Variants in EXOC6B observed in about 807,000 individuals in gnomAD.
EXOC6B encodes exocyst complex component 6B, also known as SEC15 homolog B.
Under a neutral mutation model 113.5 loss-of-function variants are expected in EXOC6B, and 54 were observed. That is an observed-to-expected ratio of 0.48 (90% CI 0.38 to 0.60). The LOEUF is 0.60. EXOC6B is among the 20% of genes least tolerant of loss of function. The pLI is 0.00. For synonymous variants in EXOC6B, 357 were observed against 339.0 expected, an observed-to-expected ratio of 1.05 and a Z score of -0.58; for missense variants, 797 against 977.5, an observed-to-expected ratio of 0.82 and a Z score of 2.46.
chr2:72,424,645 G>C (rs2105275471), intron 18 of EXOC6B, among the ~76,000 whole-genome samples: 1 of 151,828 alleles, frequency 6.6e-6, no homozygotes, highest in Middle Eastern at 3.4e-3. Flanking sequence ...ATTAAAACTG[G>C]AAAAACTGAG....
intron 7 of EXOC6B, among the ~76,000 whole-genome samples, chr2:72,561,621 C>G (rs1292739391): frequency 1.3e-5 from 2 of 152,018 alleles, no homozygotes; most frequent in Non-Finnish European, 2.9e-5. Flanking sequence ...GAGAATTTCC[C>G]TAGAAATCTG....
intron 20 of EXOC6B, among the ~76,000 whole-genome samples, chr2:72,274,793 G>A (rs534783629): frequency 6.6e-5 from 10 of 152,108 alleles, no homozygotes; most frequent in Non-Finnish European, 1.0e-4. Context: ...ATTCATTCCA[G>A]CCAGCCTGTC....
chr2:72,566,950 G>A (rs1054109743), intron 7 of EXOC6B, among the ~76,000 whole-genome samples: 15 of 151,918 alleles, frequency 9.9e-5, no homozygotes, highest in South Asian at 2.1e-4. Flanking sequence ...TAATAATTAC[G>A]TTGCTTGAGG....
chr2:72,210,016 A>T (rs1333499952), intron 20 of EXOC6B, among the ~76,000 whole-genome samples: 4 of 152,136 alleles, frequency 2.6e-5, no homozygotes, highest in Admixed American at 2.6e-4. Flanking sequence ...CATAATTTTT[A>T]AAAAAGAATT....
At chr2:72,604,390 AAAAAG>A (rs1670621844) in intron 6 of EXOC6B, among the ~76,000 whole-genome samples, 1 of 152,226 alleles carries the variant, frequency 6.6e-6, no homozygotes, top group South Asian at 2.1e-4. Flanking sequence ...TTTGATTCTT[AAAAAG>A]AAAACAAAAA....
At chr2:72,358,974 A>G (rs115080106) in intron 19 of EXOC6B, among the ~76,000 whole-genome samples, 1,971 of 152,286 alleles carry the variant, frequency 0.013, 53 homozygotes, top group African/African-American at 0.045. Flanking sequence ...TATTCACTCA[A>G]AAAATATTTA....
chr2:72,555,715 C>T (rs1703501879), intron 8 of EXOC6B, among the ~76,000 whole-genome samples: 1 of 152,116 alleles, frequency 6.6e-6, no homozygotes, highest in East Asian at 1.9e-4. Context: ...AGCATGATCT[C>T]GGCTCACTAC....
chr2:72,754,605 CTTTTTTTTTTCTTT>C (rs1682281725), intron 1 of EXOC6B, among the ~76,000 whole-genome samples: 1 of 145,888 alleles, frequency 6.9e-6, no homozygotes, highest in East Asian at 2.0e-4. Context: ...TTTTTAATAG[CTTTTTTTTTTCTTT>C]TTTTTTTTTT....
chr2:72,576,643 T>C (rs1704877504), intron 6 of EXOC6B, among the ~76,000 whole-genome samples: 1 of 152,088 alleles, frequency 6.6e-6, no homozygotes, highest in African/African-American at 2.4e-5. Flanking sequence ...AAATGAGTTG[T>C]GGTCAAATCA....
intron 6 of EXOC6B, among the ~76,000 whole-genome samples, chr2:72,714,760 G>A (rs887565419): frequency 1.6e-4 from 24 of 152,142 alleles, no homozygotes; most frequent in Non-Finnish European, 5.9e-5. Context: ...ATCAAACTGA[G>A]AAAGAAGCAT....
intron 19 of EXOC6B, among the ~76,000 whole-genome samples, chr2:72,344,596 T>C (rs1689216232): frequency 6.6e-6 from 1 of 152,182 alleles, no homozygotes; most frequent in Non-Finnish European, 1.5e-5. Context: ...TGCTGTTTTT[T>C]GTTACCGTTT....
At chr2:72,189,692 A>G (rs1374149822) in intron 20 of EXOC6B, among the ~76,000 whole-genome samples, 2 of 151,496 alleles carry the variant, frequency 1.3e-5, no homozygotes, top group Non-Finnish European at 2.9e-5. Context: ...CTATCTATCC[A>G]TTTGTTATTG....
intron 1 of EXOC6B, among the ~76,000 whole-genome samples, chr2:72,745,186 C>T (rs547736309): frequency 1.3e-5 from 2 of 152,174 alleles, no homozygotes; most frequent in Admixed American, 6.5e-5. Context: ...GGGGTGGTGG[C>T]CCACACCTGT....
At chr2:72,557,096 G>T (rs1384407180) in intron 8 of EXOC6B, among the ~76,000 whole-genome samples, 1 of 151,276 alleles carries the variant, frequency 6.6e-6, no homozygotes, top group African/African-American at 2.4e-5. Flanking sequence ...ATGCAAACTA[G>T]ATCCATAGCG....
chr2:72,409,702 C>T (rs1225926637), intron 18 of EXOC6B, among the ~76,000 whole-genome samples: 3 of 145,124 alleles, frequency 2.1e-5, no homozygotes, highest in Non-Finnish European at 3.0e-5. Context: ...GAACATCACA[C>T]ACCGGGGCCT....
chr2:72,688,574 G>A (rs576573020), intron 6 of EXOC6B, among the ~76,000 whole-genome samples: 102 of 152,166 alleles, frequency 6.7e-4, no homozygotes, highest in African/African-American at 2.4e-3. Flanking sequence ...GGAGAGAAGA[G>A]GTGGTATTAA....
Position 72,379,881 on chromosome 2 carries a change from A to G in EXOC6B, c.1981-11T>C, listed in dbSNP as rs768586480. ...CTGGGCCACCTTTCCCTGAAACACA[A>G]GAGTGTAAATCATAAAGTTAATGCA... On this transcript the variant is annotated splice_polypyrimidine_tract_variant and intron_variant, in intron 18 of 21. Transcript: ENST00000272427. 4.4e-5 allele frequency: 71 copies of G among 1,598,374 alleles called. No individual in the cohort carries two copies. The highest frequency in any genetic ancestry group is 5.7e-5 in the Non-Finnish European group (67 of 1,171,946).
At chr2:72,297,032 C>T (rs556656691) in intron 20 of EXOC6B, among the ~76,000 whole-genome samples, 121 of 152,190 alleles carry the variant, frequency 8.0e-4, no homozygotes, top group Non-Finnish European at 1.4e-3. Flanking sequence ...TGAAAGAATG[C>T]AATCAAATAG....
rs569326347 is a variant in EXOC6B, at chr2:72,625,292, C to A, written c.670-49624G>T. 5.3e-5 allele frequency among the ~76,000 whole-genome samples: 8 copies of A among 150,708 alleles called. No individual in the cohort carries two copies. The East Asian group carries it at 1.4e-3, about 26-fold the overall frequency. ...ATATACCTAAAAATATATATATATACCTAAAAAAGACTTTCAGTACTGTTT... is the reference window on the plus strand; with the variant it reads ...ATATACCTAAAAATATATATATATAACTAAAAAAGACTTTCAGTACTGTTT... On this transcript the variant is annotated intron_variant, in intron 6 of 21. Coordinates refer to ENST00000272427, the MANE Select transcript of EXOC6B (RefSeq NM_015189.3).
Sources: allele counts gnomAD v4.1 joint callset (sites outside exome capture counted in the v4.1 genomes callset), GRCh38; gene constraint gnomAD v4.1.1; transcripts MANE v1.5; gene names NCBI Gene and HGNC (gene_info 2026-07-23, HGNC 2026-07-21).